Variants in OOSP1 observed in about 807,000 individuals in gnomAD.
OOSP1 encodes the protein putative oocyte-secreted protein 1 homolog.
A neutral mutation model predicts 5.7 loss-of-function variants in OOSP1; 11 were observed. The observed-to-expected ratio is 1.94, with a 90% CI of 1.22 to 3.20. The LOEUF is 3.20. Among genes scored for constraint, OOSP1 ranks in the 30% most tolerant of loss-of-function variants. The probability of loss-of-function intolerance (pLI) is 0.00; values close to 1 mark genes in which losing one functional copy is unlikely to be tolerated. For synonymous variants in OOSP1, 44 were observed against 20.0 expected (o/e 2.20, Z -3.20); for missense variants, 83 against 54.1 (o/e 1.53, Z -1.67).
At position 59,942,947 on chromosome 11, in the gene OOSP1, T is replaced by C. The variant is rs1042777601; in HGVS notation, c.177T>C (p.Asp59=). 3 of 702,922 alleles carry C rather than the reference T, an allele frequency of 4.3e-6. No homozygotes were observed. In the African/African-American group the frequency reaches 5.2e-5, roughly 12 times the overall value. 43.5% of individuals were successfully genotyped at this position (702,922 alleles called of 1,614,324 possible). The change falls in exon 2 of 5, where the codon GAT becomes GAC. Residue 59 remains aspartate, a synonymous_variant. Transcript: ENST00000646685. ...ACCCCGATGAAGTGTTTCTAGGAGA[T>C]GGCTGCCATGTAACCCATGTTTTGC...
In OOSP1 at chr11:59,942,832, T is replaced by C; in HGVS notation, c.77-15T>C. 1.4e-6 allele frequency: 1 copy of C among 696,900 alleles called. No individual in the cohort carries two copies. The highest frequency in any genetic ancestry group is 1.5e-5 in the South Asian group (1 of 66,798). The allele number at this position is 696,900 out of a possible 1,614,324, so 43.2% of individuals were successfully genotyped here. ...TAATTGCATACTAACAAAATTTCTT[T>C]TTCCTGCTTTTCAGCTATTCAAGTA... On this transcript the variant is annotated splice_polypyrimidine_tract_variant and intron_variant, in intron 1 of 4. Transcript: ENST00000646685.
At chr11:59,940,900 A>G (rs973388458) in intron 1 of OOSP1, among the ~76,000 whole-genome samples, 75 of 152,374 alleles carry the variant, frequency 4.9e-4, no homozygotes, top group African/African-American at 1.5e-3. Context: ...GATCAATTAT[A>G]CTATTTATTC....
intron 2 of OOSP1, 117 bp from the exon 3 acceptor site, chr11:59,945,052 G>A (rs1853867102): frequency 3.1e-6 from 2 of 640,082 alleles, no homozygotes; most frequent in Non-Finnish European, 2.8e-6. Context: ...ATAGTTGAGT[G>A]AGAGTGTGAC....
At chr11:59,949,465 C>A (rs1853918181) in intron 4 of OOSP1, among the ~76,000 whole-genome samples, 2 of 151,366 alleles carry the variant, frequency 1.3e-5, no homozygotes, top group Non-Finnish European at 2.9e-5. Context: ...GCCGTTCACA[C>A]ATGTACCCTA....
At chr11:59,951,510 T>C (rs1436972102) in intron 4 of OOSP1, among the ~76,000 whole-genome samples, 1 of 152,064 alleles carries the variant, frequency 6.6e-6, no homozygotes, top group Non-Finnish European at 1.5e-5. Context: ...CTTCATTTTG[T>C]GGTCTGCATC....
At chr11:59,957,095 T>C in intron 4 of OOSP1, 100 bp from the exon 5 acceptor site, 1 of 392,232 alleles carries the variant, frequency 2.5e-6, no homozygotes, top group Non-Finnish European at 4.5e-6. Context: ...TTTACCTAAA[T>C]TTGTTCCTTT....
At chr11:59,953,485 T>C (rs775250940) in intron 4 of OOSP1, among the ~76,000 whole-genome samples, 10 of 152,204 alleles carry the variant, frequency 6.6e-5, no homozygotes, top group Non-Finnish European at 8.8e-5. Flanking sequence ...ACATATACTG[T>C]ACTCTTGATT....
chr11:59,939,192 C>G (rs1305989451), intron 1 of OOSP1, among the ~76,000 whole-genome samples: 1 of 150,964 alleles, frequency 6.6e-6, no homozygotes, highest in African/African-American at 2.4e-5. Flanking sequence ...CTCTTTCTCC[C>G]TCGTTCCCTC....
At chr11:59,948,134 A>G (rs1432617904) in intron 4 of OOSP1, among the ~76,000 whole-genome samples, 3 of 152,330 alleles carry the variant, frequency 2.0e-5, no homozygotes, top group African/African-American at 7.2e-5. Context: ...TAATTAACTT[A>G]AAAAGAAAAT....
chr11:59,949,409 A>C (rs1235809246), intron 4 of OOSP1, among the ~76,000 whole-genome samples: 1 of 152,038 alleles, frequency 6.6e-6, no homozygotes, highest in Non-Finnish European at 1.5e-5. Context: ...TTGAGGAAAG[A>C]GCTCAAGGAA....
intron 4 of OOSP1, among the ~76,000 whole-genome samples, chr11:59,954,708 C>T (rs954759800): frequency 6.6e-6 from 1 of 151,710 alleles, no homozygotes; most frequent in Non-Finnish European, 1.5e-5. Flanking sequence ...AAAATAATAG[C>T]ATCTTTCATT....
chr11:59,947,336 C>T (rs556410732), intron 3 of OOSP1, among the ~76,000 whole-genome samples: 8 of 151,838 alleles, frequency 5.3e-5, no homozygotes, highest in Non-Finnish European at 1.2e-4. Context: ...TTGTTCAGGC[C>T]GATCTTGAAC....
intron 3 of OOSP1, among the ~76,000 whole-genome samples, chr11:59,946,958 TC>T (rs1325887012): frequency 6.7e-6 from 1 of 149,904 alleles, no homozygotes; most frequent in East Asian, 1.9e-4. Flanking sequence ...TATCTATCTA[TC>T]TATCTATCTG....
intron 4 of OOSP1, among the ~76,000 whole-genome samples, chr11:59,950,131 A>T (rs1025529525): frequency 1.3e-5 from 2 of 152,228 alleles, no homozygotes; most frequent in African/African-American, 4.8e-5. Context: ...GCTAGATATG[A>T]AATATGTTAG....
At position 59,940,543 on chromosome 11, in the gene OOSP1, G is replaced by GT. The variant is rs565137481; in HGVS notation, c.76+2014dup. On this transcript the variant is annotated intron_variant, in intron 1 of 4. Coordinates refer to ENST00000646685, the Ensembl canonical transcript of OOSP1. Reference sequence around the variant, plus strand: ...GTCCATCACTTGGAGATTTACATTTGTAGCTTTGGTATATTTTAATTACTA... The same window carrying GT: ...GTCCATCACTTGGAGATTTACATTTGTTAGCTTTGGTATATTTTAATTACTA... 5.5e-4 allele frequency among the ~76,000 whole-genome samples: 84 copies of GT among 152,262 alleles called. 2 individuals are homozygous for GT. In the South Asian group the frequency reaches 0.017, roughly 31 times the overall value.
At chr11:59,947,441 G>T (rs1853898195) in intron 3 of OOSP1, among the ~76,000 whole-genome samples, 1 of 152,086 alleles carries the variant, frequency 6.6e-6, no homozygotes, top group South Asian at 2.1e-4. Context: ...CCAAATTCAG[G>T]ATGAGAAAAT....
intron 1 of OOSP1, among the ~76,000 whole-genome samples, chr11:59,938,887 G>A (rs148371176): frequency 5.3e-5 from 8 of 152,310 alleles, no homozygotes; most frequent in Non-Finnish European, 1.0e-4. Context: ...TTGGGACTCT[G>A]TGGTGTGTCA....
At chr11:59,954,003 T>C (rs1376089093) in intron 4 of OOSP1, among the ~76,000 whole-genome samples, 1 of 152,202 alleles carries the variant, frequency 6.6e-6, no homozygotes, top group East Asian at 1.9e-4. Context: ...CTAGATGGCA[T>C]AGCCCATTTT....
chr11:59,946,348 G>A (rs1031624844), intron 3 of OOSP1, among the ~76,000 whole-genome samples: 2 of 152,170 alleles, frequency 1.3e-5, no homozygotes, highest in Non-Finnish European at 2.9e-5. Context: ...GGCCCCTGGT[G>A]CCAAAACGTT....
Sources: gnomAD v4.1 joint callset for allele counts (sites outside exome capture counted in the v4.1 genomes callset) on GRCh38, gnomAD v4.1.1 for gene constraint, MANE v1.5 for transcripts, NCBI Gene and HGNC (gene_info 2026-07-23, HGNC 2026-07-21) for gene names.